The following LINGO2 variants were observed in gnomAD, a reference collection of about 807,000 sequenced individuals.
The protein encoded by LINGO2 is leucine-rich repeat and immunoglobulin-like domain-containing nogo receptor-interacting protein 2.
LINGO2 carries 14 observed loss-of-function variants against 30.6 expected under a neutral mutation model. The observed-to-expected ratio is 0.46, with a 90% confidence interval of 0.30 to 0.72. The LOEUF (loss-of-function observed/expected upper bound fraction) is 0.72, where lower values mean the gene tolerates loss of function less well. LINGO2 is among the 30% of genes least tolerant of loss of function. The probability of loss-of-function intolerance (pLI) is 0.07; values close to 1 mark genes in which losing one functional copy is unlikely to be tolerated. For synonymous variants in LINGO2, 317 were observed against 288.5 expected (o/e 1.10, Z -1.00); for missense variants, 729 against 751.7 (o/e 0.97, Z 0.35).
chr9:28,092,883 C>G (rs1826137458), intron 4 of LINGO2, among the ~76,000 whole-genome samples: 1 of 151,868 alleles, frequency 6.6e-6, no homozygotes, highest in African/African-American at 2.4e-5. Context: ...TTTACTGAGC[C>G]CTTCTCATAT....
intron 2 of LINGO2, among the ~76,000 whole-genome samples, chr9:28,446,870 T>A (rs1314631022): frequency 6.6e-6 from 1 of 152,192 alleles, no homozygotes. Context: ...CCTGCAGGAA[T>A]ACCATAAATG....
At chr9:28,427,717 A>C (rs1490183383) in intron 2 of LINGO2, among the ~76,000 whole-genome samples, 1 of 152,124 alleles carries the variant, frequency 6.6e-6, no homozygotes, top group East Asian at 1.9e-4. Context: ...TCTGTGGCAT[A>C]AGGACAATGT....
At chr9:28,149,015 T>G (rs1587085768) in intron 4 of LINGO2, 1 of 1,534,116 alleles carries the variant, frequency 6.5e-7, no homozygotes, top group Non-Finnish European at 8.7e-7. Context: ...GCAACTGAGG[T>G]GGGATAGAGA....
intron 4 of LINGO2, among the ~76,000 whole-genome samples, chr9:28,199,457 G>C (rs1464998446): frequency 6.6e-6 from 1 of 151,792 alleles, no homozygotes; most frequent in African/African-American, 2.4e-5. Context: ...TCCTGCCTCA[G>C]CCTCCCGAGT....
At chr9:28,344,270 A>T (rs2134404810) in intron 3 of LINGO2, among the ~76,000 whole-genome samples, 1 of 152,152 alleles carries the variant, frequency 6.6e-6, no homozygotes, top group African/African-American at 2.4e-5. Context: ...GAAAATGAAA[A>T]CTCTCAGTAG....
intron 1 of LINGO2, among the ~76,000 whole-genome samples, chr9:28,587,883 A>G (rs541387720): frequency 6.6e-6 from 1 of 152,084 alleles, no homozygotes; most frequent in Non-Finnish European, 1.5e-5. Flanking sequence ...CATTTTTGTG[A>G]AAACAGTGGC....
chr9:28,174,032 A>AGGACT (rs1005707247), intron 4 of LINGO2, among the ~76,000 whole-genome samples: 33 of 152,342 alleles, frequency 2.2e-4, no homozygotes, highest in Admixed American at 4.6e-4. Flanking sequence ...CTACAAATAA[A>AGGACT]GGACTGTAAA....
rs189866281 is a variant in LINGO2 at position 28,034,762 on chromosome 9, A to C, written c.-86-22357T>G. On this transcript the variant is annotated intron_variant, in intron 4 of 5. Transcript: ENST00000379992. ...ATTGCTACTTATTTTTATAAATTAT[A>C]TGTGAAATGTATTTAATAATTTAAA... Among the ~76,000 whole-genome samples the C allele has an allele frequency of 5.9e-5, 9 of 152,358 alleles. No homozygotes were observed. The East Asian group carries it at 1.5e-3, about 26-fold the overall frequency.
intron 1 of LINGO2, among the ~76,000 whole-genome samples, chr9:28,477,217 T>C (rs1395319278): frequency 1.3e-5 from 2 of 151,948 alleles, no homozygotes; most frequent in Admixed American, 6.6e-5. Context: ...TGACCAATGA[T>C]AATGGCAATA....
At chr9:28,321,058 ATT>A (rs147262109) in intron 3 of LINGO2, among the ~76,000 whole-genome samples, 6 of 151,790 alleles carry the variant, frequency 4.0e-5, no homozygotes, top group Admixed American at 1.3e-4. Context: ...ATTTTTGTTA[ATT>A]TTTTTTAAAT....
At chr9:28,599,901 T>A (rs1563854488) in intron 1 of LINGO2, among the ~76,000 whole-genome samples, 1 of 152,182 alleles carries the variant, frequency 6.6e-6, no homozygotes, top group Non-Finnish European at 1.5e-5. Flanking sequence ...ACCATGTGTG[T>A]TACATGGTAT....
chr9:28,011,207 C>T (rs563081866), intron 5 of LINGO2, among the ~76,000 whole-genome samples: 20 of 152,068 alleles, frequency 1.3e-4, no homozygotes, highest in Admixed American at 2.6e-4. Context: ...CAGTAAGGAA[C>T]GAAGGCTGAA....
chr9:28,037,224 T>C (rs1823980242), intron 4 of LINGO2, among the ~76,000 whole-genome samples: 1 of 152,206 alleles, frequency 6.6e-6, no homozygotes, highest in Non-Finnish European at 1.5e-5. Flanking sequence ...CGCCTAGTTA[T>C]ACAAACAGTA....
chr9:28,847,890 A>G, the LINGO2 span, among the ~76,000 whole-genome samples: 1 of 114,986 alleles, frequency 8.7e-6, no homozygotes, highest in Non-Finnish European at 1.8e-5. Flanking sequence ...ATATACACAT[A>G]TATGTATAGT....
chr9:29,051,945 C>T, the LINGO2 span, among the ~76,000 whole-genome samples: 1 of 152,126 alleles, frequency 6.6e-6, no homozygotes, highest in Non-Finnish European at 1.5e-5. Flanking sequence ...ATTAGCAAAG[C>T]ATCTGGCACA....
chr9:28,478,251 T>C (rs117582879), intron 1 of LINGO2, among the ~76,000 whole-genome samples: 63 of 152,296 alleles, frequency 4.1e-4, no homozygotes, highest in Non-Finnish European at 7.8e-4. Context: ...CATTTATATG[T>C]GATTTTAACT....
intron 3 of LINGO2, among the ~76,000 whole-genome samples, chr9:28,347,842 G>A (rs1227689376): frequency 1.3e-5 from 2 of 152,174 alleles, no homozygotes; most frequent in Non-Finnish European, 2.9e-5. Context: ...AATGCCCTGA[G>A]TGCTGAGTAC....
At chr9:28,011,695 G>A (rs1050979999) in intron 5 of LINGO2, among the ~76,000 whole-genome samples, 1 of 152,166 alleles carries the variant, frequency 6.6e-6, no homozygotes, top group Non-Finnish European at 1.5e-5. Context: ...AGGGATTGCT[G>A]AGCTCTGTGC....
At chr9:28,637,720 G>C (rs1259095623) in intron 1 of LINGO2, among the ~76,000 whole-genome samples, 1 of 152,020 alleles carries the variant, frequency 6.6e-6, no homozygotes, top group Non-Finnish European at 1.5e-5. Flanking sequence ...GGAGATTTTG[G>C]GCTGAGACAA....
Sources: gnomAD v4.1 joint callset for allele counts (sites outside exome capture counted in the v4.1 genomes callset) on GRCh38, gnomAD v4.1.1 for gene constraint, MANE v1.5 for transcripts, NCBI Gene and HGNC (gene_info 2026-07-23, HGNC 2026-07-21) for gene names.